The following RGS6 variants were observed in gnomAD, a reference collection of about 807,000 sequenced individuals.
The protein encoded by RGS6 is regulator of G protein signaling 6.
Under a neutral mutation model 78.5 loss-of-function variants are expected in RGS6, and 30 were observed. That is an observed-to-expected ratio of 0.38 (90% confidence interval 0.29 to 0.52). RGS6 has a LOEUF of 0.52. Among genes scored for constraint, RGS6 ranks in the 20% least tolerant of loss-of-function variants. RGS6 has a pLI of 0.85. For missense variants in RGS6, 495 were observed against 609.7 expected (o/e 0.81, Z 1.98); for synonymous variants, 206 against 206.0 (o/e 1.00, Z 0.00).
the RGS6 span, among the ~76,000 whole-genome samples, chr14:71,888,272 A>G: frequency 1.3e-5 from 2 of 152,024 alleles, no homozygotes; most frequent in Non-Finnish European, 1.5e-5. Flanking sequence ...CAAACAAAAT[A>G]CAAAAATTAG....
chr14:72,133,765 G>T (rs1006968533), intron 2 of RGS6, among the ~76,000 whole-genome samples: 3 of 151,970 alleles, frequency 2.0e-5, no homozygotes, highest in Non-Finnish European at 4.4e-5. Context: ...AGTGCCTTCT[G>T]CCATGAGCCA....
At chr14:71,876,495 TTTTTTTTTTTTTTTTTG>T in the RGS6 span, among the ~76,000 whole-genome samples, 3 of 58,360 alleles carry the variant, frequency 5.1e-5, no homozygotes, top group Admixed American at 1.5e-4. Context: ...TTTTTTTTTT[TTTTTTTTTTTTTTTTTG>T]CTTTCCATTT....
At chr14:72,324,392 A>C (rs2073101057) in intron 2 of RGS6, among the ~76,000 whole-genome samples, 1 of 152,212 alleles carries the variant, frequency 6.6e-6, no homozygotes, top group African/African-American at 2.4e-5. Context: ...GTTCTAGGGT[A>C]CATGTGCACA....
intron 2 of RGS6, among the ~76,000 whole-genome samples, chr14:72,115,851 C>T (rs1597829544): frequency 6.6e-6 from 1 of 152,168 alleles, no homozygotes; most frequent in East Asian, 1.9e-4. Flanking sequence ...TCTCACTAAG[C>T]CCATTTGTCA....
the RGS6 span, among the ~76,000 whole-genome samples, chr14:72,588,710 A>G: frequency 6.6e-6 from 1 of 152,202 alleles, no homozygotes; most frequent in Non-Finnish European, 1.5e-5. Flanking sequence ...CCCTTAGGTA[A>G]CAAAGTTACA....
chr14:72,489,162 C>CCG (rs900810226), intron 12 of RGS6, among the ~76,000 whole-genome samples: 3 of 150,216 alleles, frequency 2.0e-5, no homozygotes, highest in Admixed American at 1.3e-4. Context: ...GGGGGCCCCC[C>CCG]CACCGGCTGT....
rs545402601 is a variant in RGS6, at chr14:72,256,066, ACT to A, written c.85-96028_85-96027del. Among the ~76,000 whole-genome samples the A allele has an allele frequency of 2.1e-3, 319 of 152,360 alleles. 1 individual carries two copies. The highest frequency in any genetic ancestry group is 6.9e-3 in the African/African-American group (286 of 41,590). ...CCTGCTGCACAGACAGAGCCAAGGCACTGAGACAGTAGTGTTGCAGCGAGAAA... is the reference window on the plus strand; with the variant it reads ...CCTGCTGCACAGACAGAGCCAAGGCAGAGACAGTAGTGTTGCAGCGAGAAA... On this transcript the variant is annotated intron_variant, in intron 2 of 17. Transcript: ENST00000553525.
At chr14:72,488,346 A>G (rs544881195) in intron 12 of RGS6, among the ~76,000 whole-genome samples, 3 of 152,274 alleles carry the variant, frequency 2.0e-5, no homozygotes, top group Admixed American at 2.0e-4. Flanking sequence ...GCTCCCAGGA[A>G]CAATTTCATT....
At chr14:72,270,903 T>TG (rs1334365191) in intron 2 of RGS6, among the ~76,000 whole-genome samples, 1 of 152,230 alleles carries the variant, frequency 6.6e-6, no homozygotes, top group Non-Finnish European at 1.5e-5. Flanking sequence ...GCAGAAGACA[T>TG]GGGGCATTCC....
intron 1 of RGS6, among the ~76,000 whole-genome samples, chr14:71,964,488 A>G (rs2093398601): frequency 6.6e-6 from 1 of 152,166 alleles, no homozygotes; most frequent in Non-Finnish European, 1.5e-5. Flanking sequence ...CCTGGGCAAT[A>G]AGAGCGAAAC....
chr14:72,094,800 G>T (rs1214787806), intron 2 of RGS6, among the ~76,000 whole-genome samples: 2 of 152,168 alleles, frequency 1.3e-5, no homozygotes, highest in African/African-American at 2.4e-5. Flanking sequence ...ATGGGGTTTT[G>T]TGGGTGATTA....
intron 2 of RGS6, among the ~76,000 whole-genome samples, chr14:72,263,014 C>G (rs912793814): frequency 6.6e-6 from 1 of 152,138 alleles, no homozygotes; most frequent in African/African-American, 2.4e-5. Flanking sequence ...CAAGAGTCAA[C>G]TCTGACTGCC....
the RGS6 span, among the ~76,000 whole-genome samples, chr14:72,605,212 T>G: frequency 6.6e-6 from 1 of 152,148 alleles, no homozygotes. Flanking sequence ...GAGCTTTCCA[T>G]GCTGGAGAAG....
the RGS6 span, among the ~76,000 whole-genome samples, chr14:71,923,811 G>A: frequency 3.9e-5 from 6 of 152,074 alleles, no homozygotes; most frequent in Non-Finnish European, 7.4e-5. Context: ...ATCCAAAGGG[G>A]AATGAGGGAA....
chr14:71,897,814 C>T, the RGS6 span, among the ~76,000 whole-genome samples: 5 of 152,108 alleles, frequency 3.3e-5, no homozygotes, highest in African/African-American at 7.2e-5. Flanking sequence ...CCACCGCGCC[C>T]GGCCCCATGG....
At chr14:72,303,835 C>T (rs757689982) in intron 2 of RGS6, among the ~76,000 whole-genome samples, 42 of 152,268 alleles carry the variant, frequency 2.8e-4, no homozygotes, top group Non-Finnish European at 5.6e-4. Context: ...GTATTCTAAA[C>T]CTCTTCTTTC....
chr14:72,399,136 A>G (rs2091963106), intron 3 of RGS6, among the ~76,000 whole-genome samples: 1 of 143,678 alleles, frequency 7.0e-6, no homozygotes, highest in South Asian at 2.2e-4. Flanking sequence ...TGATCTGTCT[A>G]ATGTTGACAG....
intron 13 of RGS6, among the ~76,000 whole-genome samples, chr14:72,504,840 G>A (rs554352605): frequency 1.3e-5 from 2 of 149,916 alleles, no homozygotes; most frequent in African/African-American, 4.9e-5. Context: ...TGCAACCTCC[G>A]CCTCCTGGGT....
the RGS6 span, among the ~76,000 whole-genome samples, chr14:71,915,781 G>A: frequency 3.9e-5 from 6 of 152,224 alleles, no homozygotes; most frequent in Non-Finnish European, 8.8e-5. Context: ...GAATGTGACT[G>A]TGTTTGGAGA....
Sources: allele counts gnomAD v4.1 joint callset (sites outside exome capture counted in the v4.1 genomes callset), GRCh38; gene constraint gnomAD v4.1.1; transcripts MANE v1.5; gene names NCBI Gene and HGNC (gene_info 2026-07-23, HGNC 2026-07-21).